CNTN5: variants seen among roughly 807,000 people sequenced by gnomAD.
CNTN5 encodes the protein contactin-5.
CNTN5 carries 77 observed loss-of-function variants against 129.1 expected under a neutral mutation model. The ratio of observed to expected loss-of-function variants is 0.60; its 90% CI spans 0.50 to 0.72. CNTN5 has a LOEUF of 0.72. Ranked by LOEUF, CNTN5 falls within the 30% of genes least tolerant of loss-of-function variation. The probability of loss-of-function intolerance (pLI) is 0.00; values close to 1 mark genes in which losing one functional copy is unlikely to be tolerated. For synonymous variants in CNTN5, 509 were observed against 465.6 expected (o/e 1.09, Z -1.20); for missense variants, 1,478 against 1,328.8 (o/e 1.11, Z -1.75).
At chr11:99,084,035 C>A (rs756050911) in intron 1 of CNTN5, among the ~76,000 whole-genome samples, 5 of 152,126 alleles carry the variant, frequency 3.3e-5, no homozygotes, top group Non-Finnish European at 7.4e-5. Flanking sequence ...AAATGGAGAT[C>A]TTCAGTTATT....
chr11:99,726,162 A>T (rs1943330954), intron 3 of CNTN5, among the ~76,000 whole-genome samples: 1 of 152,132 alleles, frequency 6.6e-6, no homozygotes, highest in African/African-American at 2.4e-5. Flanking sequence ...TTATGACTAC[A>T]CTTAGGAGAA....
intron 3 of CNTN5, among the ~76,000 whole-genome samples, chr11:99,640,719 C>A (rs1033612161): frequency 2.6e-5 from 4 of 152,176 alleles, no homozygotes; most frequent in Admixed American, 6.5e-5. Context: ...ATAGGCTATA[C>A]CATACCTATA....
At chr11:99,876,063 G>T (rs1280688441) in intron 6 of CNTN5, among the ~76,000 whole-genome samples, 1 of 152,130 alleles carries the variant, frequency 6.6e-6, no homozygotes, top group Non-Finnish European at 1.5e-5. Flanking sequence ...ATCATCTCCT[G>T]CTGAAAGGCA....
chr11:99,392,044 G>A (rs1032558111), intron 2 of CNTN5, among the ~76,000 whole-genome samples: 3 of 151,772 alleles, frequency 2.0e-5, no homozygotes, highest in Non-Finnish European at 2.9e-5. Context: ...ACAAAATAAT[G>A]TGGTTCAAAT....
intron 1 of CNTN5, among the ~76,000 whole-genome samples, chr11:99,233,661 T>C (rs1297806954): frequency 6.6e-6 from 1 of 152,122 alleles, no homozygotes; most frequent in East Asian, 1.9e-4. Context: ...AAATAATTTG[T>C]TTTAGGCCGG....
chr11:99,907,391 A>T (rs986476084), intron 6 of CNTN5, among the ~76,000 whole-genome samples: 9 of 152,034 alleles, frequency 5.9e-5, no homozygotes, highest in Admixed American at 1.3e-4. Context: ...GAGCACCGTC[A>T]GGAGGTTGGG....
Position 99,647,068 on chromosome 11 carries a change from C to G in CNTN5, c.55+90799C>G, listed in dbSNP as rs113720123. 3.4e-3 allele frequency among the ~76,000 whole-genome samples: 519 copies of G among 152,186 alleles called. 4 individuals carry two copies. Among genetic ancestry groups the G allele is most frequent in the African/African-American group, 0.012 (484 of 41,566 alleles). ...ATTTGTTTGTTTCTGCTTTTATTGT[C>G]TGTGCTTTTGAGGTCTTAGTCATCA... is the stretch of plus-strand genomic sequence containing the variant. On this transcript the variant is annotated intron_variant, in intron 3 of 24. Coordinates refer to ENST00000524871, the MANE Select transcript of CNTN5 (RefSeq NM_014361.4).
At chr11:100,340,741 T>C in intron 22 of CNTN5, 92 bp downstream of exon 22, 1 of 1,133,966 alleles carries the variant, frequency 8.8e-7, no homozygotes, top group Non-Finnish European at 1.2e-6. Flanking sequence ...ATAAGCAGAG[T>C]CAAAGGGGAG....
chr11:99,403,153 C>T (rs553990065), intron 2 of CNTN5, among the ~76,000 whole-genome samples: 1 of 151,832 alleles, frequency 6.6e-6, no homozygotes, highest in Non-Finnish European at 1.5e-5. Context: ...ACTACAGGCG[C>T]CTACCACCAT....
At chr11:100,182,280 G>GGCTGTGAAGTCCAGGATCAGGAT (rs1286582320) in intron 13 of CNTN5, among the ~76,000 whole-genome samples, 3 of 152,022 alleles carry the variant, frequency 2.0e-5, no homozygotes, top group African/African-American at 7.2e-5. Flanking sequence ...TAGTTCTGGA[G>GGCTGTGAAGTCCAGGATCAGGAT]GCTGTGAAGT....
intron 1 of CNTN5, among the ~76,000 whole-genome samples, chr11:99,286,758 A>G (rs1347388323): frequency 2.6e-5 from 4 of 151,136 alleles, no homozygotes; most frequent in Non-Finnish European, 5.9e-5. Flanking sequence ...GATTCAAGCA[A>G]ACAAAATAAG....
intron 23 of CNTN5, among the ~76,000 whole-genome samples, chr11:100,346,114 GA>G (rs1952272870): frequency 2.0e-5 from 3 of 152,002 alleles, no homozygotes; most frequent in African/African-American, 7.2e-5. Context: ...AAATGATTGG[GA>G]AAATGAAACA....
chr11:100,003,490 T>C (rs991977886), intron 9 of CNTN5, among the ~76,000 whole-genome samples: 1 of 152,196 alleles, frequency 6.6e-6, no homozygotes, highest in Non-Finnish European at 1.5e-5. Flanking sequence ...TAGTGTATCC[T>C]GTAGTTAAAT....
chr11:99,414,110 C>T (rs1269649622), intron 2 of CNTN5, among the ~76,000 whole-genome samples: 1 of 152,286 alleles, frequency 6.6e-6, no homozygotes. Context: ...AAATTCCTGC[C>T]TCTTCCTCCT....
intron 13 of CNTN5, among the ~76,000 whole-genome samples, chr11:100,136,767 T>C (rs1946537412): frequency 7.5e-6 from 1 of 133,202 alleles, no homozygotes; most frequent in South Asian, 2.5e-4. Context: ...AAAATAAATA[T>C]GGGCCTGGTT....
chr11:100,224,535 T>C (rs957078601), intron 15 of CNTN5, among the ~76,000 whole-genome samples, 157 bp from the exon 16 acceptor site: 2 of 152,194 alleles, frequency 1.3e-5, no homozygotes, highest in African/African-American at 2.4e-5. Flanking sequence ...TTCTATGTGT[T>C]CCTTAAAAAA....
intron 3 of CNTN5, among the ~76,000 whole-genome samples, chr11:99,738,615 A>AAGTG (rs201365714): frequency 0.025 from 2,865 of 113,470 alleles, 32 homozygotes; most frequent in East Asian, 0.076. Context: ...TAAGACAGTA[A>AAGTG]CGTGTGTGTG....
chr11:99,623,467 T>C (rs1489396226), intron 3 of CNTN5, among the ~76,000 whole-genome samples: 2 of 152,024 alleles, frequency 1.3e-5, no homozygotes, highest in African/African-American at 4.8e-5. Context: ...TCTTAGGAGG[T>C]AGCATCCATT....
At chr11:99,181,843 T>C (rs560391451) in intron 1 of CNTN5, among the ~76,000 whole-genome samples, 4 of 152,258 alleles carry the variant, frequency 2.6e-5, no homozygotes, top group African/African-American at 9.6e-5. Flanking sequence ...GTTATTTCTA[T>C]TGGGGCAGAA....
Sources: gnomAD v4.1 joint callset for allele counts (sites outside exome capture counted in the v4.1 genomes callset) on GRCh38, gnomAD v4.1.1 for gene constraint, MANE v1.5 for transcripts, NCBI Gene and HGNC (gene_info 2026-07-23, HGNC 2026-07-21) for gene names.